FHIT: variants seen among roughly 807,000 people sequenced by gnomAD.
FHIT encodes the protein bis(5'-adenosyl)-triphosphatase.
In FHIT, 19 loss-of-function variants were observed where a neutral mutation model predicts 17.9. The observed-to-expected ratio is 1.06, with a 90% CI of 0.74 to 1.56. The LOEUF is 1.56. Ranked by LOEUF, FHIT falls within the 40% of genes most tolerant of loss-of-function variation. FHIT has a pLI of 0.00. For missense variants in FHIT, 248 were observed against 189.2 expected (o/e 1.31, Z -1.82); for synonymous variants, 81 against 69.7 (o/e 1.16, Z -0.81).
chr3:60,206,266 C>A (rs17062458), intron 5 of FHIT, among the ~76,000 whole-genome samples: 2 of 151,838 alleles, frequency 1.3e-5, no homozygotes, highest in Non-Finnish European at 2.9e-5. Context: ...CAAGAGGGCA[C>A]CATATTTCTC....
intron 8 of FHIT, among the ~76,000 whole-genome samples, chr3:59,863,178 C>A (rs1029537429): frequency 7.2e-5 from 11 of 152,194 alleles, no homozygotes; most frequent in Non-Finnish European, 1.2e-4. Context: ...CATGCCAATG[C>A]AGTTACCCAC....
intron 4 of FHIT, among the ~76,000 whole-genome samples, chr3:60,727,532 A>G (rs1553709890): frequency 6.6e-6 from 1 of 152,244 alleles, no homozygotes; most frequent in African/African-American, 2.4e-5. Context: ...TCAGTATACA[A>G]TGTTAATGAC....
At chr3:61,207,545 TG>T (rs967359178) in intron 1 of FHIT, among the ~76,000 whole-genome samples, 1 of 152,104 alleles carries the variant, frequency 6.6e-6, no homozygotes, top group Non-Finnish European at 1.5e-5. Flanking sequence ...GGTTTAGTCT[TG>T]GGAGGGTGTA....
intron 8 of FHIT, among the ~76,000 whole-genome samples, chr3:59,761,753 T>A (rs971903241): frequency 1.3e-5 from 2 of 151,540 alleles, no homozygotes; most frequent in Non-Finnish European, 2.9e-5. Context: ...ACTACGGGAG[T>A]GCACCACCAC....
intron 5 of FHIT, among the ~76,000 whole-genome samples, chr3:60,146,132 C>A (rs62240251): frequency 0.19 from 28,911 of 151,674 alleles, 3,074 homozygotes; most frequent in Middle Eastern, 0.33. Flanking sequence ...CAAAGTCAAA[C>A]TGAAGGAGAG....
intron 5 of FHIT, among the ~76,000 whole-genome samples, chr3:60,484,690 A>C (rs1221863005): frequency 1.3e-5 from 2 of 151,984 alleles, no homozygotes; most frequent in Non-Finnish European, 2.9e-5. Context: ...TAAAGACTTA[A>C]ATGTAAAACC....
At chr3:60,544,260 T>C (rs1192325164) in intron 4 of FHIT, among the ~76,000 whole-genome samples, 2 of 151,950 alleles carry the variant, frequency 1.3e-5, no homozygotes, top group Non-Finnish European at 2.9e-5. Context: ...TTTTTTTGTA[T>C]TATGAATGAT....
intron 8 of FHIT, among the ~76,000 whole-genome samples, chr3:59,800,869 G>A (rs190320279): frequency 6.6e-6 from 1 of 152,208 alleles, no homozygotes; most frequent in East Asian, 1.9e-4. Context: ...AGAGAGGGAA[G>A]GGAAGAAGAA....
chr3:60,909,197 C>T (rs781992005), intron 3 of FHIT, among the ~76,000 whole-genome samples: 7 of 151,828 alleles, frequency 4.6e-5, no homozygotes, highest in Non-Finnish European at 8.8e-5. Context: ...GGTGAAACTC[C>T]GTCTCTACTA....
At chr3:60,374,679 C>A (rs975215062) in intron 5 of FHIT, among the ~76,000 whole-genome samples, 2 of 151,444 alleles carry the variant, frequency 1.3e-5, no homozygotes, top group Non-Finnish European at 2.9e-5. Context: ...AGAGAATATG[C>A]ATATTCAAGT....
intron 3 of FHIT, among the ~76,000 whole-genome samples, chr3:60,914,362 T>C (rs1296412995): frequency 6.6e-6 from 1 of 152,174 alleles, no homozygotes; most frequent in Non-Finnish European, 1.5e-5. Flanking sequence ...ACAGAAATGA[T>C]GTCCTAAGGC....
intron 7 of FHIT, among the ~76,000 whole-genome samples, chr3:59,924,192 A>G (rs1006409949): frequency 1.3e-5 from 2 of 152,220 alleles, no homozygotes; most frequent in Non-Finnish European, 2.9e-5. Flanking sequence ...ACGTAGAACA[A>G]GGATACAGAC....
At chr3:60,238,623 T>G (rs1230089115) in intron 5 of FHIT, among the ~76,000 whole-genome samples, 1 of 152,288 alleles carries the variant, frequency 6.6e-6, no homozygotes, top group East Asian at 1.9e-4. Context: ...GAATATGTTT[T>G]CTGAAAGTAT....
At chr3:60,692,170 T>C (rs2041007058) in intron 4 of FHIT, among the ~76,000 whole-genome samples, 1 of 152,178 alleles carries the variant, frequency 6.6e-6, no homozygotes, top group South Asian at 2.1e-4. Context: ...ATCTGTATTA[T>C]GAAAAACAAC....
rs558510269 is a variant in FHIT, at chr3:61,069,189, T to C, written c.-163-27090A>G. Among the ~76,000 whole-genome samples the C allele has an allele frequency of 6.6e-5, 10 of 152,282 alleles. No individual in the cohort carries two copies. The South Asian group carries it at 2.1e-3, about 32-fold the overall frequency. On this transcript the variant is annotated intron_variant, in intron 2 of 9. Coordinates refer to ENST00000492590, the MANE Select transcript of FHIT (RefSeq NM_002012.4). ...GCAGAGTTCTTGAAAATGATAGCCA[T>C]GGTTTTTTTCGTGGCACATATAATG...
At chr3:60,516,992 C>G (rs1276605073) in intron 5 of FHIT, among the ~76,000 whole-genome samples, 3 of 152,130 alleles carry the variant, frequency 2.0e-5, no homozygotes, top group African/African-American at 7.2e-5. Flanking sequence ...TAGCAACATC[C>G]TTTCAAAACC....
intron 2 of FHIT, among the ~76,000 whole-genome samples, chr3:61,186,911 C>A (rs1298713563): frequency 6.6e-6 from 1 of 152,148 alleles, no homozygotes; most frequent in African/African-American, 2.4e-5. Context: ...TAACTCTGAC[C>A]GCTCCAAATG....
chr3:59,990,003 C>T (rs1709156835), intron 7 of FHIT, among the ~76,000 whole-genome samples: 1 of 152,018 alleles, frequency 6.6e-6, no homozygotes, highest in Admixed American at 6.6e-5. Flanking sequence ...TATTTTTATG[C>T]TGCTGTTGTT....
chr3:60,608,152 A>C (rs2038667490), intron 4 of FHIT, among the ~76,000 whole-genome samples: 1 of 151,608 alleles, frequency 6.6e-6, no homozygotes, highest in Non-Finnish European at 1.5e-5. Flanking sequence ...AGAGGACAAG[A>C]CTCTCACTCT....
Sources: allele counts gnomAD v4.1 joint callset (sites outside exome capture counted in the v4.1 genomes callset), GRCh38; gene constraint gnomAD v4.1.1; transcripts MANE v1.5; gene names NCBI Gene and HGNC (gene_info 2026-07-23, HGNC 2026-07-21).